Variants in CAPN3 observed in about 807,000 individuals in gnomAD.
CAPN3 encodes the protein calpain 3.
Under a neutral mutation model 114.0 loss-of-function variants are expected in CAPN3, and 88 were observed. The ratio of observed to expected loss-of-function variants is 0.77; its 90% CI spans 0.65 to 0.92. The LOEUF (loss-of-function observed/expected upper bound fraction) is 0.92, where lower values mean the gene tolerates loss of function less well. Ranked by LOEUF, CAPN3 falls within the 40% of genes least tolerant of loss-of-function variation. The pLI is 0.00. For missense variants in CAPN3, 1,028 were observed against 1,069.0 expected (o/e 0.96, Z 0.53); for synonymous variants, 386 against 382.9 (o/e 1.01, Z -0.09).
intron 1 of CAPN3, among the ~76,000 whole-genome samples, chr15:42,374,905 G>A (rs1316119891): frequency 1.4e-5 from 2 of 146,006 alleles, no homozygotes; most frequent in Non-Finnish European, 3.0e-5. Flanking sequence ...GGCCCAAACA[G>A]TGATCCCACT....
chr15:42,407,850 A>G (rs1400922294), intron 15 of CAPN3, among the ~76,000 whole-genome samples: 1 of 152,104 alleles, frequency 6.6e-6, no homozygotes, highest in Non-Finnish European at 1.5e-5. Context: ...GTTTTTATAT[A>G]CACCATGTTT....
At chr15:42,410,201 C>T (rs1027272465) in intron 19 of CAPN3, among the ~76,000 whole-genome samples, 3 of 152,058 alleles carry the variant, frequency 2.0e-5, no homozygotes, top group Non-Finnish European at 4.4e-5. Flanking sequence ...TGCCCTAACC[C>T]CTGTGCTTCT....
At chr15:42,376,824 A>G (rs2053100796) in intron 1 of CAPN3, among the ~76,000 whole-genome samples, 1 of 152,212 alleles carries the variant, frequency 6.6e-6, no homozygotes, top group Non-Finnish European at 1.5e-5. Context: ...ATGTATAACC[A>G]TCTCACATAT....
At chr15:42,388,892 CTG>C (rs759912965) in intron 4 of CAPN3, 34 bp from the exon 5 acceptor site, 1 of 1,609,338 alleles carries the variant, frequency 6.2e-7, no homozygotes, top group South Asian at 1.1e-5. Flanking sequence ...CCCTGGAACT[CTG>C]TGACCCCAAA....
rs2141176675 is a variant in CAPN3 at position 42,392,635 on chromosome 15, A to G, written c.946-4A>G. 6.2e-7 allele frequency: 1 copy of G among 1,612,850 alleles called. No individual in the cohort carries two copies. Among genetic ancestry groups the G allele is most frequent in the South Asian group, 1.1e-5 (1 of 91,024 alleles). On this transcript the variant is annotated splice_region_variant and splice_polypyrimidine_tract_variant and intron_variant, in intron 6 of 23. Transcript: ENST00000397163. ...TAATGGGTTCTCTGGTTACTGCTCT[A>G]CAGACAATCATTCCGGTTCAGTATG...
chr15:42,411,873 C>A lies in CAPN3; in HGVS notation c.*100C>A. On this transcript the variant is annotated 3_prime_UTR_variant, in exon 24 of 24. Transcript: ENST00000397163. ...TACCTCAAAGGACCCAGCAGCTACA[C>A]CCCTACAGGCTTCCAGGCACCTCAT... 1.2e-6 allele frequency: 2 copies of A among 1,603,404 alleles called. No individual in the cohort carries two copies. The highest frequency in any genetic ancestry group is 8.5e-7 in the Non-Finnish European group (1 of 1,174,600).
At chr15:42,411,108 C>CT in intron 22 of CAPN3, 108 bp downstream of exon 22, 1 of 1,080,934 alleles carries the variant, frequency 9.3e-7, no homozygotes, top group Non-Finnish European at 1.4e-6. Flanking sequence ...GAACAAGGGC[C>CT]AATGACCTCT....
chr15:42,390,786 T>TTTTG (rs2053531486), intron 6 of CAPN3, among the ~76,000 whole-genome samples: 1 of 149,996 alleles, frequency 6.7e-6, no homozygotes, highest in African/African-American at 2.5e-5. Context: ...TTTTTTGTTT[T>TTTTG]TTTGTTTTTT....
rs1214343554 is a variant in CAPN3 at position 42,392,681 on chromosome 15, C to T, written c.988C>T (p.Leu330=). The T allele has an allele frequency of 6.2e-7, 1 of 1,614,008 alleles. No individual in the cohort carries two copies. Among genetic ancestry groups the T allele is most frequent in the Non-Finnish European group, 8.5e-7 (1 of 1,179,918 alleles). ...VQYETRMACG[L]VRGHAYSVTG... ...GTATGAGACAAGAATGGCCTGCGGGCTGGTCAGAGGTCACGCCTACTCTGT... is the reference window on the plus strand; with the variant it reads ...GTATGAGACAAGAATGGCCTGCGGGTTGGTCAGAGGTCACGCCTACTCTGT... The change falls in exon 7 of 24, where the codon CTG becomes TTG. Residue 330 remains leucine (L), a synonymous_variant. Transcript: ENST00000397163.
chr15:42,391,089 G>A (rs1382461338), intron 6 of CAPN3, among the ~76,000 whole-genome samples: 4 of 151,850 alleles, frequency 2.6e-5, no homozygotes, highest in African/African-American at 7.3e-5. Flanking sequence ...CACCACACCC[G>A]GCCTAGTTTG....
At chr15:42,393,620 G>A (rs2053615099) in intron 7 of CAPN3, among the ~76,000 whole-genome samples, 2 of 146,288 alleles carry the variant, frequency 1.4e-5, no homozygotes, top group South Asian at 4.3e-4. Context: ...TTGAGACGGA[G>A]TCTCACTCTG....
chr15:42,399,366 C>T (rs2053799237), intron 9 of CAPN3, 126 bp from the exon 10 acceptor site: 1 of 769,498 alleles, frequency 1.3e-6, no homozygotes, highest in South Asian at 1.5e-5. Flanking sequence ...AGACAGGCTC[C>T]TCTGGGACCC....
In CAPN3 at chr15:42,411,458, AAGGGAT is replaced by A. The variant is rs1363183287; in HGVS notation, c.2439+117_2439+122del. 5.9e-6 allele frequency: 6 copies of A among 1,010,202 alleles called. No homozygotes were observed. The Admixed American group carries it at 8.5e-5, about 14-fold the overall frequency. The allele number at this position is 1,010,202 out of a possible 1,614,324, so 62.6% of individuals were successfully genotyped here. ...CTCATTTCCACACAGTGGTGGAGGGAAGGGATAGGAACAGAACATGGAGGGAGGCTC... is the reference window on the plus strand; with the variant it reads ...CTCATTTCCACACAGTGGTGGAGGGAAGGAACAGAACATGGAGGGAGGCTC... On this transcript the variant is annotated intron_variant, in intron 23 of 23. Transcript: ENST00000397163.
intron 1 of CAPN3, among the ~76,000 whole-genome samples, chr15:42,364,053 G>A (rs1054673676): frequency 1.3e-5 from 2 of 152,156 alleles, no homozygotes; most frequent in Non-Finnish European, 2.9e-5. Flanking sequence ...TGGAAGTAAG[G>A]TGTCATTTAT....
chr15:42,390,201 C>A (rs1451209791), intron 6 of CAPN3, 105 bp downstream of exon 6: 4 of 1,265,200 alleles, frequency 3.2e-6, no homozygotes, highest in East Asian at 2.3e-5. Flanking sequence ...ACCCACACAC[C>A]CCCACCTGGC....
intron 19 of CAPN3, 136 bp downstream of exon 19, chr15:42,410,131 C>T: frequency 7.2e-6 from 6 of 832,124 alleles, no homozygotes; most frequent in Non-Finnish European, 1.2e-5. Context: ...TTCAGAACAT[C>T]TTGGATACTC....
intron 19 of CAPN3, 58 bp from the exon 20 acceptor site, chr15:42,410,370 C>T (rs1263547609): frequency 6.6e-7 from 1 of 1,525,676 alleles, no homozygotes; most frequent in South Asian, 1.1e-5. Context: ...CTAGACCCTC[C>T]CTCCAAATCC....
chr15:42,386,098 G>A, intron 2 of CAPN3, 69 bp from the exon 3 acceptor site: 1 of 1,089,628 alleles, frequency 9.2e-7, no homozygotes, highest in Non-Finnish European at 1.4e-6. Context: ...GTGGCTGGCT[G>A]GGATTGGGGC....
At position 42,360,071 on chromosome 15, in the gene CAPN3, A is replaced by G. The variant is rs2052599999; in HGVS notation, c.266A>G (p.Tyr89Cys). The G allele has an allele frequency of 6.2e-7, 1 of 1,614,260 alleles. No individual in the cohort carries two copies. Among genetic ancestry groups the G allele is most frequent in the South Asian group, 1.1e-5 (1 of 91,088 alleles). The change falls in exon 1 of 24, where the codon TAT becomes TGT. Residue 89 changes from tyrosine (Y) to cysteine (C), a missense_variant. By Grantham distance (194) the Tyr-to-Cys change is radical. Transcript: ENST00000397163. ...CCACCGGATGAGACCTCTCTCTTTT[A>G]TAGCCAGAAGTTCCCCATCCAGTTC... ...EFPPDETSLF[Y>C]SQKFPIQFVW...
Sources: gnomAD v4.1 joint callset for allele counts (sites outside exome capture counted in the v4.1 genomes callset) on GRCh38, gnomAD v4.1.1 for gene constraint, MANE v1.5 for transcripts, NCBI Gene and HGNC (gene_info 2026-07-23, HGNC 2026-07-21) for gene names.